Variants in ARMC9 observed in about 807,000 individuals in gnomAD.
The protein encoded by ARMC9 is lisH domain-containing protein ARMC9.
In ARMC9, 94 loss-of-function variants were observed where a neutral mutation model predicts 107.0. The observed-to-expected ratio is 0.88, with a 90% CI of 0.74 to 1.04. ARMC9 has a LOEUF of 1.04. Ranked by LOEUF, ARMC9 falls within the 50% of genes least tolerant of loss-of-function variation. The probability of loss-of-function intolerance (pLI) is 0.00; values close to 1 mark genes in which losing one functional copy is unlikely to be tolerated. For synonymous variants in ARMC9, 380 were observed against 396.9 expected (o/e 0.96, Z 0.51); for missense variants, 942 against 1,030.1 (o/e 0.91, Z 1.17).
Position 231,278,442 on chromosome 2 carries a change from G to T in ARMC9, c.1535G>T (p.Gly512Val), listed in dbSNP as rs1192301547. 6.2e-7 allele frequency: 1 copy of T among 1,614,038 alleles called. No individual in the cohort carries two copies. The highest frequency in any genetic ancestry group is 1.3e-5 in the African/African-American group (1 of 75,056). Residue 512 changes from glycine to valine, a missense_variant, in exon 16 of 25, where the codon GGC becomes GTC. By Grantham distance (109) the Gly-to-Val change is moderately radical. Transcript: ENST00000611582. ...LVLKVLSDLL[G>V]HENHEIQPYV... ...CTCAAAGTCCTTTCGGATCTTCTTG[G>T]CCATGAAAACCATGAGGTACTCATT...
At chr2:231,278,023 C>T (rs184611956) in intron 15 of ARMC9, among the ~76,000 whole-genome samples, 11 of 152,278 alleles carry the variant, frequency 7.2e-5, no homozygotes, top group Admixed American at 6.5e-4. Context: ...GAACGTTGCT[C>T]TATAATGTAT....
intron 18 of ARMC9, among the ~76,000 whole-genome samples, chr2:231,293,273 A>G (rs2041143427): frequency 6.6e-6 from 1 of 152,058 alleles, no homozygotes; most frequent in Non-Finnish European, 1.5e-5. Context: ...TAAGACCTGA[A>G]CCTCAGTGCT....
intron 7 of ARMC9, among the ~76,000 whole-genome samples, chr2:231,229,923 A>G (rs1428457628): frequency 6.6e-6 from 1 of 152,246 alleles, no homozygotes; most frequent in Non-Finnish European, 1.5e-5. Flanking sequence ...GTTAAAAAAG[A>G]AAGCTTGAGT....
chr2:231,237,849 G>A (rs1200179750), intron 8 of ARMC9, among the ~76,000 whole-genome samples: 1 of 91,772 alleles, frequency 1.1e-5, no homozygotes, highest in Non-Finnish European at 2.1e-5. Flanking sequence ...TCATTCTCCT[G>A]TTTTAAGCAA....
chr2:231,289,394 G>A (rs1326650570), intron 17 of ARMC9, among the ~76,000 whole-genome samples: 1 of 152,232 alleles, frequency 6.6e-6, no homozygotes, highest in Non-Finnish European at 1.5e-5. Context: ...TTGAGTCTTG[G>A]AGTTGGAGGT....
intron 12 of ARMC9, among the ~76,000 whole-genome samples, chr2:231,263,098 A>C (rs2038532912): frequency 6.6e-6 from 1 of 152,114 alleles, no homozygotes; most frequent in African/African-American, 2.4e-5. Flanking sequence ...GGACAGGAGG[A>C]GGATCAGGAT....
intron 20 of ARMC9, among the ~76,000 whole-genome samples, 194 bp downstream of exon 20, chr2:231,332,091 G>A (rs2043780511): frequency 6.6e-6 from 1 of 152,228 alleles, no homozygotes; most frequent in Admixed American, 6.5e-5. Context: ...GTCACAAGTA[G>A]ACAGGTGTAC....
intron 1 of ARMC9, among the ~76,000 whole-genome samples, chr2:231,199,273 A>G (rs959495084): frequency 3.3e-5 from 5 of 152,242 alleles, no homozygotes; most frequent in African/African-American, 1.2e-4. Flanking sequence ...GTTTCCGCAT[A>G]AAGGAGAGCA....
intron 20 of ARMC9, among the ~76,000 whole-genome samples, chr2:231,336,442 C>T (rs955054442): frequency 3.3e-5 from 5 of 152,194 alleles, no homozygotes; most frequent in African/African-American, 1.2e-4. Context: ...CCTGAGCCCA[C>T]CTGCCTTTTA....
intron 23 of ARMC9, among the ~76,000 whole-genome samples, chr2:231,366,570 C>T (rs1479291289): frequency 2.0e-5 from 3 of 151,896 alleles, no homozygotes; most frequent in African/African-American, 4.8e-5. Context: ...GGGCCAGCTG[C>T]GGTGGCTCAC....
At chr2:231,364,629 C>A (rs947552447) in intron 23 of ARMC9, among the ~76,000 whole-genome samples, 1 of 152,054 alleles carries the variant, frequency 6.6e-6, no homozygotes, top group Non-Finnish European at 1.5e-5. Context: ...GAAACCCTGT[C>A]TTTACTAAAA....
intron 8 of ARMC9, among the ~76,000 whole-genome samples, 169 bp downstream of exon 8, chr2:231,235,550 T>C (rs2125361269): frequency 6.6e-6 from 1 of 152,358 alleles, no homozygotes; most frequent in Admixed American, 6.5e-5. Context: ...AAAGCTGATA[T>C]TTTTTACTGT....
At position 231,226,883 on chromosome 2, in the gene ARMC9, A is replaced by G. The variant is rs572149024; in HGVS notation, c.622+85A>G. ...GTAAGATCGGTGCAAAGATGGAGAG[A>G]ATTCATGATTTTGGCTTTAAGAGTC... is the stretch of plus-strand genomic sequence containing the variant. On this transcript the variant is annotated intron_variant, in intron 7 of 24. Coordinates refer to ENST00000611582, the MANE Select transcript of ARMC9 (RefSeq NM_001352754.2). 4.7e-6 allele frequency: 7 copies of G among 1,476,110 alleles called. No homozygotes were observed. The East Asian group carries it at 9.1e-5, about 19-fold the overall frequency. The allele number at this position is 1,476,110 out of a possible 1,614,324, so 91.4% of individuals were successfully genotyped here. A position where few individuals can be genotyped will look rare whatever the true frequency, so the allele number is the denominator to read the frequency against.
At chr2:231,246,789 T>C (rs116245368) in intron 9 of ARMC9, among the ~76,000 whole-genome samples, 200 of 152,264 alleles carry the variant, frequency 1.3e-3, no homozygotes, top group African/African-American at 4.4e-3. Context: ...CAGTGGCTAA[T>C]TTACATTCCC....
chr2:231,262,520 T>C (rs2038465060), intron 12 of ARMC9, 122 bp downstream of exon 12: 1 of 942,080 alleles, frequency 1.1e-6, no homozygotes, highest in African/African-American at 1.6e-5. Flanking sequence ...ATGTCAGCCT[T>C]GAGCTCATGA....
intron 5 of ARMC9, among the ~76,000 whole-genome samples, chr2:231,220,572 G>A (rs1236353868): frequency 4.0e-5 from 6 of 148,426 alleles, no homozygotes; most frequent in Non-Finnish European, 8.9e-5. Flanking sequence ...GCTCCAGTTT[G>A]GGCAACAGAG....
chr2:231,261,996 G>A (rs2038404703), intron 11 of ARMC9, among the ~76,000 whole-genome samples: 2 of 151,706 alleles, frequency 1.3e-5, no homozygotes, highest in Admixed American at 6.6e-5. Flanking sequence ...TAATTTTTTT[G>A]TATTTTTAGT....
intron 16 of ARMC9, among the ~76,000 whole-genome samples, chr2:231,281,692 C>T (rs989853181): frequency 2.6e-5 from 4 of 152,096 alleles, no homozygotes; most frequent in Non-Finnish European, 4.4e-5. Flanking sequence ...GGGTTCCTAT[C>T]GAAGAGGCTT....
intron 21 of ARMC9, among the ~76,000 whole-genome samples, chr2:231,355,279 CA>C (rs11362331): frequency 0.13 from 19,528 of 152,176 alleles, 2,944 homozygotes; most frequent in African/African-American, 0.36. Context: ...GTCAAGGCTA[CA>C]AGTGAGCTGT....
Sources: gnomAD v4.1 joint callset for allele counts (sites outside exome capture counted in the v4.1 genomes callset) on GRCh38, gnomAD v4.1.1 for gene constraint, MANE v1.5 for transcripts, NCBI Gene and HGNC (gene_info 2026-07-23, HGNC 2026-07-21) for gene names.